The following FAM228B variants were observed in gnomAD, a reference collection of about 807,000 sequenced individuals.
FAM228B encodes the protein family with sequence similarity 228 member B, also known as protein FAM228B.
In FAM228B, 38 loss-of-function variants were observed where a neutral mutation model predicts 42.6. The observed-to-expected ratio is 0.89, with a 90% confidence interval of 0.69 to 1.17. FAM228B has a LOEUF of 1.17. FAM228B is among the 50% of genes most tolerant of loss of function. The pLI is 0.00. For synonymous variants in FAM228B, 109 were observed against 122.3 expected (o/e 0.89, Z 0.72); for missense variants, 344 against 367.3 (o/e 0.94, Z 0.52).
chr2:24,107,620 G>C (rs1294632580), intron 3 of FAM228B, among the ~76,000 whole-genome samples: 2 of 152,038 alleles, frequency 1.3e-5, no homozygotes, highest in East Asian at 3.9e-4. Flanking sequence ...TCAATACTAA[G>C]AAAATCATTG....
chr2:24,130,555 G>A (rs959703402), intron 2 of FAM228B, among the ~76,000 whole-genome samples: 1 of 152,154 alleles, frequency 6.6e-6, no homozygotes, highest in Non-Finnish European at 1.5e-5. Context: ...TTGCTCTAAT[G>A]ATCAGTGATG....
chr2:24,098,202 C>T (rs1353742007), intron 3 of FAM228B, among the ~76,000 whole-genome samples: 2 of 151,886 alleles, frequency 1.3e-5, no homozygotes, highest in South Asian at 2.1e-4. Context: ...AAATTGACAC[C>T]CTAAAATCAC....
chr2:24,155,409 G>A (rs1215710662), intron 7 of FAM228B, among the ~76,000 whole-genome samples: 3 of 149,742 alleles, frequency 2.0e-5, no homozygotes, highest in Admixed American at 1.3e-4. Flanking sequence ...GGGCTGGCGT[G>A]TTTGCGGGTG....
rs547556703 is a variant in FAM228B at position 24,081,997 on chromosome 2, CTCTT to C, written c.-210+1048_-210+1051del. The stretch of plus-strand genomic sequence containing the variant: ...GGCGTGAGCCACCACGCCCAGCCTA[CTCTT>C]TCTTTTTCTTTGAGACAGAGTCTCA... On this transcript the variant is annotated intron_variant, in intron 2 of 10. Coordinates refer to the FAM228B transcript ENST00000613899. 6.0e-5 allele frequency among the ~76,000 whole-genome samples: 9 copies of C among 151,080 alleles called. No individual in the cohort carries two copies. The South Asian group carries it at 1.9e-3, about 32-fold the overall frequency.
At chr2:24,127,705 C>G (rs934943315) in intron 2 of FAM228B, among the ~76,000 whole-genome samples, 1 of 151,880 alleles carries the variant, frequency 6.6e-6, no homozygotes, top group African/African-American at 2.4e-5. Flanking sequence ...CTCTATCACC[C>G]GGGTTGCAGT....
Position 24,161,543 on chromosome 2 carries a change from G to C in FAM228B, c.724G>C (p.Asp242His). ...AGTGAATTTTAATGACTGTAGTTTT[G>C]ATTTGAAACCTTTGGCAAGAGCTCC... Reference protein sequence around the residue: ...VKVNFNDCSFDLKPLARAPYL... With the variant: ...VKVNFNDCSFHLKPLARAPYL... The change falls in exon 8 of 11, where the codon GAT becomes CAT. Residue 242 changes from aspartate (D) to histidine (H), a missense_variant. Physicochemically the swap from Asp to His is moderately conservative, Grantham distance 81. Transcript: ENST00000615575. 1.3e-6 allele frequency: 2 copies of C among 1,548,146 alleles called. No homozygotes were observed. The highest frequency in any genetic ancestry group is 1.7e-6 in the Non-Finnish European group (2 of 1,143,776).
rs1411772587 is a variant in FAM228B at position 24,077,822 on chromosome 2, C to T, written c.-290+853C>T. ...GAGAGCCTCACCCTGCCCTCCTCAT[C>T]CTCCTCAGCCTTCTTGCTCTCTCTG... is the stretch of plus-strand genomic sequence containing the variant. On this transcript the variant is annotated intron_variant, in intron 1 of 10. Coordinates refer to the FAM228B transcript ENST00000613899. This position sits in a 1 kb window ranked among gnomAD's most constrained non-coding sequence, Gnocchi z 5.5. 6.5e-6 allele frequency: 10 copies of T among 1,541,304 alleles called. No homozygotes were observed. Among genetic ancestry groups the T allele is most frequent in the African/African-American group, 1.4e-5 (1 of 72,724 alleles).
chr2:24,117,164 A>G (rs1295393500), intron 3 of FAM228B, among the ~76,000 whole-genome samples: 2 of 151,686 alleles, frequency 1.3e-5, no homozygotes, highest in Non-Finnish European at 2.9e-5. Context: ...ACAGGTACCT[A>G]CCACCACACC....
chr2:24,122,782 A>G, upstream of FAM228B: 2 of 354,092 alleles, frequency 5.6e-6, no homozygotes, highest in Non-Finnish European at 1.0e-5. Flanking sequence ...GAGTTTGGAA[A>G]ATCACAGCCT....
chr2:24,111,554 T>C (rs1227115883), intron 3 of FAM228B, among the ~76,000 whole-genome samples: 1 of 152,194 alleles, frequency 6.6e-6, no homozygotes, highest in Non-Finnish European at 1.5e-5. Context: ...TTGGCATCCC[T>C]GTCCTCTTTT....
chr2:24,137,927 C>T lies in FAM228B; in HGVS notation c.187C>T (p.Gln63Ter), dbSNP rs766464661. Residue 63 changes from glutamine (Q) to a stop codon, truncating the protein, a stop_gained, in exon 4 of 11, where the codon CAA (glutamine) becomes TAA (stop). Coordinates refer to ENST00000615575, the MANE Select transcript of FAM228B (RefSeq NM_001145710.2). LOFTEE classifies it high-confidence loss of function. ...TTACTAGGAACTAGATAAGTATTTA[C>T]AACATCATGCCTTCTTAAATGCAAG... is the stretch of plus-strand genomic sequence containing the variant. ...SVIKELDKYL[Q>*]HHAFLNARRK... 4 of 1,530,544 alleles carry T rather than the reference C, an allele frequency of 2.6e-6. No homozygotes were observed. The highest frequency in any genetic ancestry group is 1.3e-5 in the South Asian group (1 of 79,226). The allele number at this position is 1,530,544 out of a possible 1,614,324, so 94.8% of individuals were successfully genotyped here.
At chr2:24,088,420 G>GCACT (rs1665309837) in intron 2 of FAM228B, among the ~76,000 whole-genome samples, 1 of 151,914 alleles carries the variant, frequency 6.6e-6, no homozygotes, top group African/African-American at 2.4e-5. Context: ...GGGTGATCTC[G>GCACT]GCTCACTGCA....
chr2:24,136,264 T>TAC (rs1371710423), intron 3 of FAM228B, among the ~76,000 whole-genome samples: 2 of 152,036 alleles, frequency 1.3e-5, no homozygotes, highest in East Asian at 3.8e-4. Flanking sequence ...TCTTACTTCT[T>TAC]TGCCCAGGCT....
intron 1 of FAM228B, chr2:24,124,087 G>C: frequency 3.5e-6 from 1 of 285,372 alleles, no homozygotes; most frequent in Non-Finnish European, 6.5e-6. Flanking sequence ...CTGCCTTGGA[G>C]GGGGACGTGG....
chr2:24,099,127 G>A (rs181193618), intron 3 of FAM228B, among the ~76,000 whole-genome samples: 14 of 151,944 alleles, frequency 9.2e-5, no homozygotes, highest in African/African-American at 3.4e-4. Context: ...TTCATGGAGT[G>A]TATCTCAAAA....
At chr2:24,079,465 C>T (rs756136109) in intron 1 of FAM228B, 1 of 1,614,176 alleles carries the variant, frequency 6.2e-7, no homozygotes, top group South Asian at 1.1e-5. Flanking sequence ...TAGACCTCAG[C>T]AAACTGGTGA....
intron 5 of FAM228B, among the ~76,000 whole-genome samples, chr2:24,144,147 A>C (rs1666834095): frequency 6.6e-6 from 1 of 152,226 alleles, no homozygotes; most frequent in Admixed American, 6.5e-5. Flanking sequence ...TTCAATTTAA[A>C]ATTTAAAATT....
upstream of FAM228B, chr2:24,122,348 C>G: frequency 4.5e-6 from 5 of 1,116,500 alleles, 1 homozygote; most frequent in South Asian, 2.7e-5. Flanking sequence ...AAAGTCATGT[C>G]TGCTTCATTT....
chr2:24,146,237 A>T (rs560979930), intron 5 of FAM228B, among the ~76,000 whole-genome samples: 11 of 152,320 alleles, frequency 7.2e-5, no homozygotes, highest in Admixed American at 5.9e-4. Context: ...GCTGTTCATG[A>T]ATCCTGTTTT....
Sources: gnomAD v4.1 joint callset for allele counts (sites outside exome capture counted in the v4.1 genomes callset) on GRCh38, gnomAD v4.1.1 for gene constraint, Gnocchi (gnomAD v3.1) non-coding constraint, MANE v1.5 for transcripts, NCBI Gene and HGNC (gene_info 2026-07-23, HGNC 2026-07-21) for gene names.